Variants in SEMA3A observed in about 807,000 individuals in gnomAD.
The protein encoded by SEMA3A is semaphorin 3A.
In SEMA3A, 29 loss-of-function variants were observed where a neutral mutation model predicts 97.9. The observed-to-expected ratio is 0.30, with a 90% confidence interval of 0.22 to 0.40. The LOEUF is 0.40. SEMA3A is among the 10% of genes least tolerant of loss of function. The pLI is 1.00. For missense variants in SEMA3A, 763 were observed against 951.3 expected (o/e 0.80, Z 2.60); for synonymous variants, 321 against 323.7 (o/e 0.99, Z 0.09).
chr7:84,190,658 A>G (rs1798010979), intron 1 of SEMA3A, among the ~76,000 whole-genome samples: 1 of 149,684 alleles, frequency 6.7e-6, no homozygotes, highest in Non-Finnish European at 1.5e-5. Context: ...CAGGACATCC[A>G]TGAAAACTTT....
intron 6 of SEMA3A, among the ~76,000 whole-genome samples, chr7:84,022,263 CT>C (rs1791358225): frequency 6.6e-6 from 1 of 152,242 alleles, no homozygotes; most frequent in African/African-American, 2.4e-5. Flanking sequence ...GATTGACCTA[CT>C]TTATTAATTC....
In SEMA3A at chr7:83,985,188, T is replaced by G. The variant is rs1789575357; in HGVS notation, c.1494+248A>C. Among the ~76,000 whole-genome samples the G allele has an allele frequency of 2.0e-5, 3 of 152,052 alleles. No individual in the cohort carries two copies. In the South Asian group the frequency reaches 6.2e-4, roughly 31 times the overall value. Reference sequence around the variant, plus strand: ...ACCAAAATACACTGTATGTAAAAATTTATAACAAATAATGATCCATAAAAT... The same window carrying G: ...ACCAAAATACACTGTATGTAAAAATGTATAACAAATAATGATCCATAAAAT... On this transcript the variant is annotated intron_variant, in intron 13 of 16. Transcript: ENST00000265362.
chr7:83,970,945 T>A lies in SEMA3A; in HGVS notation c.1717+6187A>T, dbSNP rs145530624. On this transcript the variant is annotated intron_variant, in intron 15 of 16. Transcript: ENST00000265362. ...TTTTTCTCATTGGACTCTACATGAT[T>A]TTCTGCAGAAATACAATAGATGCTC... Among the ~76,000 whole-genome samples the A allele has an allele frequency of 7.8e-3, 1,183 of 152,320 alleles. 19 individuals are homozygous for A. Among genetic ancestry groups the A allele is most frequent in the African/African-American group, 0.027 (1,103 of 41,572 alleles).
In SEMA3A at chr7:83,981,463, C is replaced by A. The variant is rs1283099606; in HGVS notation, c.1510G>T (p.Gly504Cys). The A allele has an allele frequency of 6.2e-7, 1 of 1,610,332 alleles. No homozygotes were observed. The highest frequency in any genetic ancestry group is 8.5e-7 in the Non-Finnish European group (1 of 1,178,546). ...AGCTGGGCAACCCCAGCCGTTGAAC[C>A]AATATATAGTTGTTGCTGTGGAAAG... The part of the protein sequence containing the change: ...LSTKQQQLYI[G>C]STAGVAQLPL... The change falls in exon 14 of 17, where the codon GGT (glycine) becomes TGT (cysteine). Residue 504 changes from glycine to cysteine, a missense_variant. Physicochemically the swap from Gly to Cys is radical, Grantham distance 159. This residue lies in a region of SEMA3A where 678 missense variants were observed against 881.3 expected (regional missense o/e 0.77). Coordinates refer to ENST00000265362, the MANE Select transcript of SEMA3A (RefSeq NM_006080.3).
At chr7:84,047,315 T>C (rs981450012) in intron 5 of SEMA3A, among the ~76,000 whole-genome samples, 1 of 152,038 alleles carries the variant, frequency 6.6e-6, no homozygotes, top group Non-Finnish European at 1.5e-5. Context: ...TGAATTTCAC[T>C]CTGTGTTTGT....
chr7:83,994,497 C>G (rs28853669), intron 12 of SEMA3A, among the ~76,000 whole-genome samples: 5,878 of 90,026 alleles, frequency 0.065, 511 homozygotes, highest in East Asian at 0.42. Flanking sequence ...GGTTTTTGGT[C>G]TGGATGTCCT....
At chr7:84,061,348 A>G (rs994791448) in intron 4 of SEMA3A, among the ~76,000 whole-genome samples, 4 of 152,180 alleles carry the variant, frequency 2.6e-5, no homozygotes, top group Non-Finnish European at 5.9e-5. Context: ...ATGACATCAA[A>G]AATCTTGATA....
chr7:84,124,475 A>G (rs1795729637), intron 3 of SEMA3A, among the ~76,000 whole-genome samples: 1 of 152,178 alleles, frequency 6.6e-6, no homozygotes, highest in Admixed American at 6.5e-5. Context: ...TGTGGTTTTC[A>G]GTATTACCCG....
intron 3 of SEMA3A, among the ~76,000 whole-genome samples, chr7:84,292,643 C>CA: frequency 6.6e-6 from 1 of 151,884 alleles, no homozygotes; most frequent in Non-Finnish European, 1.5e-5. Context: ...TGGGGTTGGG[C>CA]AAAATCTATT....
chr7:84,029,102 G>A (rs1224979182), intron 6 of SEMA3A, among the ~76,000 whole-genome samples: 1 of 151,954 alleles, frequency 6.6e-6, no homozygotes, highest in Non-Finnish European at 1.5e-5. Flanking sequence ...GAAAGTGCTG[G>A]GCATATTAAC....
intron 1 of SEMA3A, among the ~76,000 whole-genome samples, chr7:84,378,142 A>C (rs998477691): frequency 2.0e-5 from 3 of 152,096 alleles, no homozygotes; most frequent in Non-Finnish European, 2.9e-5. Flanking sequence ...GATAAAATCT[A>C]ATTTTCCAAT....
At chr7:84,145,091 G>T (rs1796424336) in intron 1 of SEMA3A, among the ~76,000 whole-genome samples, 1 of 152,074 alleles carries the variant, frequency 6.6e-6, no homozygotes, top group South Asian at 2.1e-4. Flanking sequence ...TCACAGATTA[G>T]AATGCTCTTT....
chr7:84,446,953 A>G (rs893887030), intron 1 of SEMA3A, among the ~76,000 whole-genome samples: 1 of 152,126 alleles, frequency 6.6e-6, no homozygotes, highest in African/African-American at 2.4e-5. Flanking sequence ...CTGCCCAGCC[A>G]CAGCTGGGGA....
intron 9 of SEMA3A, among the ~76,000 whole-genome samples, chr7:84,009,499 A>C (rs897595438): frequency 1.3e-5 from 2 of 152,208 alleles, no homozygotes; most frequent in African/African-American, 2.4e-5. Context: ...CATTGCAGTT[A>C]ATCATTTTCT....
At chr7:84,290,859 G>T (rs1800724117) in intron 3 of SEMA3A, among the ~76,000 whole-genome samples, 1 of 151,990 alleles carries the variant, frequency 6.6e-6, no homozygotes, top group African/African-American at 2.4e-5. Context: ...GAAATAATTT[G>T]GAACAGAAAA....
intron 3 of SEMA3A, among the ~76,000 whole-genome samples, chr7:84,251,265 ATT>A (rs1020981628): frequency 1.3e-5 from 2 of 152,188 alleles, no homozygotes; most frequent in Non-Finnish European, 2.9e-5. Context: ...GAAAAATGTC[ATT>A]TGTTGATCCA....
At chr7:83,996,056 A>T (rs1790203438) in intron 12 of SEMA3A, among the ~76,000 whole-genome samples, 1 of 152,214 alleles carries the variant, frequency 6.6e-6, no homozygotes, top group Non-Finnish European at 1.5e-5. Flanking sequence ...CTATAAATAA[A>T]GCCCACTGTC....
chr7:84,110,275 G>A (rs527692870), intron 4 of SEMA3A, among the ~76,000 whole-genome samples, 195 bp downstream of exon 4: 10 of 152,202 alleles, frequency 6.6e-5, no homozygotes, highest in Non-Finnish European at 1.3e-4. Flanking sequence ...CCTTCCTCCT[G>A]CTCCCTAGTT....
intron 4 of SEMA3A, among the ~76,000 whole-genome samples, chr7:84,077,144 T>A (rs964613054): frequency 6.6e-6 from 1 of 152,028 alleles, no homozygotes; most frequent in African/African-American, 2.4e-5. Flanking sequence ...ATTTACAACA[T>A]TTTGCCCCAG....
Sources: gnomAD v4.1 joint callset for allele counts (sites outside exome capture counted in the v4.1 genomes callset) on GRCh38, gnomAD v4.1.1 for gene constraint, gnomAD v4.1.1 regional missense constraint, MANE v1.5 for transcripts, NCBI Gene and HGNC (gene_info 2026-07-23, HGNC 2026-07-21) for gene names.